The following CCDC126 variants were observed in gnomAD, a reference collection of about 807,000 sequenced individuals.
CCDC126 encodes the protein coiled-coil domain-containing protein 126.
Under a neutral mutation model 11.7 loss-of-function variants are expected in CCDC126, and 5 were observed. That is an observed-to-expected ratio of 0.43 (90% CI 0.22 to 0.90). The LOEUF (loss-of-function observed/expected upper bound fraction) is 0.90, where lower values mean the gene tolerates loss of function less well. CCDC126 is among the 40% of genes least tolerant of loss of function. The probability of loss-of-function intolerance (pLI) is 0.27; values close to 1 mark genes in which losing one functional copy is unlikely to be tolerated. For missense variants in CCDC126, 150 were observed against 163.1 expected, an observed-to-expected ratio of 0.92 and a Z score of 0.44; for synonymous variants, 60 against 61.9, an observed-to-expected ratio of 0.97 and a Z score of 0.14.
intron 3 of CCDC126, among the ~76,000 whole-genome samples, chr7:23,621,569 A>C (rs1367153694): frequency 3.9e-5 from 6 of 152,094 alleles, no homozygotes; most frequent in South Asian, 2.1e-4. Context: ...AATACTCTTT[A>C]TTTCTTTCTC....
rs70954398 is a variant in CCDC126 at position 23,638,727 on chromosome 7, TAAA to T, written c.239-4187_239-4185del. 4.7e-3 allele frequency among the ~76,000 whole-genome samples: 422 copies of T among 89,666 alleles called. 5 individuals are homozygous for T. Among genetic ancestry groups the T allele is most frequent in the African/African-American group, 0.016 (404 of 24,860 alleles). 58.8% of individuals were successfully genotyped at this position (89,666 alleles called of 152,430 possible). A position where few individuals can be genotyped will look rare whatever the true frequency, so the allele number is the denominator to read the frequency against. ...GAATGATCAATAAAAAAAAAAAAAT[TAAA>T]AAAAAAAAAAAAAAAACCAAAAAGA... On this transcript the variant is annotated intron_variant, in intron 3 of 3. Coordinates refer to ENST00000307471, the MANE Select transcript of CCDC126 (RefSeq NM_138771.4).
At chr7:23,612,974 A>G (rs1046780919) in intron 3 of CCDC126, among the ~76,000 whole-genome samples, 1 of 152,208 alleles carries the variant, frequency 6.6e-6, no homozygotes, top group Non-Finnish European at 1.5e-5. Context: ...ATGTATATAC[A>G]TGAATGTGTG....
Position 23,620,178 on chromosome 7 carries a change from A to G in CCDC126, c.238+8625A>G, listed in dbSNP as rs548418911. Reference sequence around the variant, plus strand: ...CCACACTGCCTTCCACAATGGTTGAACTAGTTTACAGTCCCACCAACAGTG... The same window carrying G: ...CCACACTGCCTTCCACAATGGTTGAGCTAGTTTACAGTCCCACCAACAGTG... On this transcript the variant is annotated intron_variant, in intron 3 of 3. Coordinates refer to ENST00000307471, the MANE Select transcript of CCDC126 (RefSeq NM_138771.4). 9.3e-3 allele frequency among the ~76,000 whole-genome samples: 1,422 copies of G among 152,310 alleles called. 17 individuals carry two copies. The highest frequency in any genetic ancestry group is 0.033 in the African/African-American group (1,365 of 41,552).
chr7:23,609,752 C>G (rs181071332), intron 2 of CCDC126, among the ~76,000 whole-genome samples: 1 of 152,152 alleles, frequency 6.6e-6, no homozygotes, highest in East Asian at 1.9e-4. Context: ...GTCCCAGCTA[C>G]TCGGGAGGCT....
At chr7:23,617,760 C>T (rs904960170) in intron 3 of CCDC126, among the ~76,000 whole-genome samples, 30 of 152,116 alleles carry the variant, frequency 2.0e-4, no homozygotes, top group Admixed American at 4.6e-4. Flanking sequence ...TTATTACCTC[C>T]TTATGTTTGA....
chr7:23,607,128 A>G (rs1782637107), intron 2 of CCDC126, among the ~76,000 whole-genome samples: 1 of 152,188 alleles, frequency 6.6e-6, no homozygotes, highest in Admixed American at 6.5e-5. Context: ...ACAACTCTCT[A>G]GTTGTTAATT....
intron 3 of CCDC126, among the ~76,000 whole-genome samples, chr7:23,635,281 T>TGA (rs1394780420): frequency 6.6e-6 from 1 of 152,226 alleles, no homozygotes; most frequent in African/African-American, 2.4e-5. Flanking sequence ...CTGGGTGAGC[T>TGA]GAGAGTAAAA....
At chr7:23,616,815 A>G (rs1217463659) in intron 3 of CCDC126, among the ~76,000 whole-genome samples, 1 of 152,082 alleles carries the variant, frequency 6.6e-6, no homozygotes, top group African/African-American at 2.4e-5. Context: ...CCTGCAATTT[A>G]TGTCATTCAA....
chr7:23,642,728 A>G (rs1219106180), intron 3 of CCDC126, among the ~76,000 whole-genome samples: 1 of 151,170 alleles, frequency 6.6e-6, no homozygotes, highest in Non-Finnish European at 1.5e-5. Flanking sequence ...ATGCCACTGC[A>G]CTCCAGCCTG....
chr7:23,637,952 C>T (rs1783268639), intron 3 of CCDC126, among the ~76,000 whole-genome samples: 1 of 128,884 alleles, frequency 7.8e-6, no homozygotes, highest in African/African-American at 2.8e-5. Context: ...GCCGCCCCGT[C>T]CGGGAGGGAG....
In CCDC126 at chr7:23,643,215, A is replaced by G. The variant is rs1267729700; in HGVS notation, c.*100A>G. 1.4e-5 allele frequency: 14 copies of G among 990,156 alleles called. No individual in the cohort carries two copies. The East Asian group carries it at 3.8e-4, about 27-fold the overall frequency. 61.3% of individuals were successfully genotyped at this position (990,156 alleles called of 1,614,324 possible). On this transcript the variant is annotated 3_prime_UTR_variant, in exon 4 of 4. Transcript: ENST00000307471. ...GCTTAGGACAGAGCAATACTTTACA[A>G]TAAAAGCTCTACACATTTTCAAGGA...
At chr7:23,615,659 G>A (rs1425889260) in intron 3 of CCDC126, among the ~76,000 whole-genome samples, 1 of 152,178 alleles carries the variant, frequency 6.6e-6, no homozygotes, top group Non-Finnish European at 1.5e-5. Flanking sequence ...ACACTTAGAA[G>A]CCATTGTAGG....
At chr7:23,601,870 G>C (rs1372303121) in intron 2 of CCDC126, 1 of 151,656 alleles carries the variant, frequency 6.6e-6, no homozygotes, top group African/African-American at 2.4e-5. Flanking sequence ...TTTTTTTGTA[G>C]TGACTGCGTC....
At chr7:23,639,845 A>G (rs1018373473) in intron 3 of CCDC126, among the ~76,000 whole-genome samples, 1 of 152,118 alleles carries the variant, frequency 6.6e-6, no homozygotes, top group African/African-American at 2.4e-5. Flanking sequence ...CCACTTCTAA[A>G]CAATTGTAAA....
chr7:23,600,731 A>G (rs1208830641), intron 2 of CCDC126, among the ~76,000 whole-genome samples: 2 of 152,242 alleles, frequency 1.3e-5, no homozygotes. Context: ...GAATAGATGC[A>G]AAAATGAGAT....
intron 3 of CCDC126, among the ~76,000 whole-genome samples, chr7:23,638,585 C>CCG (rs1298580770): frequency 1.9e-4 from 24 of 124,942 alleles, no homozygotes; most frequent in African/African-American, 7.7e-4. Flanking sequence ...CTGCGGAAGG[C>CCG]CGCAGGGTCC....
chr7:23,636,467 C>T (rs1221468155), intron 3 of CCDC126, among the ~76,000 whole-genome samples: 2 of 149,918 alleles, frequency 1.3e-5, no homozygotes, highest in Non-Finnish European at 3.0e-5. Flanking sequence ...AGCGTCTCTG[C>T]CCGGCCGCCC....
At position 23,644,626 on chromosome 7, in the gene CCDC126, G is replaced by T. The variant is rs942756905; in HGVS notation, c.*1511G>T. 6.6e-6 allele frequency: 1 copy of T among 152,410 alleles called. No individual in the cohort carries two copies. Among genetic ancestry groups the T allele is most frequent in the South Asian group, 2.1e-4 (1 of 4,828 alleles). 9.4% of individuals were successfully genotyped at this position (152,410 alleles called of 1,614,324 possible). On this transcript the variant is annotated 3_prime_UTR_variant, in exon 4 of 4. Transcript: ENST00000307471. ...TGCCAGGTAGAAGTTTGGAATAATT[G>T]TTTAGTCTCTCCTATTAGATGTGGA... is the stretch of plus-strand genomic sequence containing the variant.
At chr7:23,598,277 A>G (rs1554358762) in intron 2 of CCDC126, 1 of 152,220 alleles carries the variant, frequency 6.6e-6, no homozygotes, top group East Asian at 1.9e-4. Context: ...TCTTCATTTG[A>G]TGAAAAGATC....
Sources: gnomAD v4.1 joint callset for allele counts (sites outside exome capture counted in the v4.1 genomes callset) on GRCh38, gnomAD v4.1.1 for gene constraint, MANE v1.5 for transcripts, NCBI Gene and HGNC (gene_info 2026-07-23, HGNC 2026-07-21) for gene names.